Variants in CNTNAP2 observed in about 807,000 individuals in gnomAD.
CNTNAP2 encodes the protein contactin-associated protein-like 2.
In CNTNAP2, 98 loss-of-function variants were observed where a neutral mutation model predicts 155.2. The observed-to-expected ratio is 0.63, with a 90% CI of 0.54 to 0.75. CNTNAP2 has a LOEUF of 0.75. Among genes scored for constraint, CNTNAP2 ranks in the 30% least tolerant of loss-of-function variants. The probability of loss-of-function intolerance (pLI) is 0.00; values close to 1 mark genes in which losing one functional copy is unlikely to be tolerated. For synonymous variants in CNTNAP2, 651 were observed against 631.2 expected (o/e 1.03, Z -0.47); for missense variants, 1,727 against 1,688.1 (o/e 1.02, Z -0.40).
chr7:147,173,363 CA>C (rs1802270409), intron 8 of CNTNAP2, among the ~76,000 whole-genome samples: 1 of 151,940 alleles, frequency 6.6e-6, no homozygotes, highest in African/African-American at 2.4e-5. Flanking sequence ...GACAATCTCC[CA>C]ACTTCCCAAA....
intron 15 of CNTNAP2, among the ~76,000 whole-genome samples, chr7:148,030,353 A>C (rs1802454309): frequency 6.6e-6 from 1 of 152,198 alleles, no homozygotes. Flanking sequence ...ATTAAAAGAA[A>C]GGGGAATTGT....
chr7:147,073,258 A>C (rs571446821), intron 4 of CNTNAP2, among the ~76,000 whole-genome samples: 1 of 151,148 alleles, frequency 6.6e-6, no homozygotes, highest in East Asian at 2.0e-4. Flanking sequence ...TGTCCTTTGC[A>C]GGGACACGGA....
chr7:147,695,141 T>C (rs75461702), intron 13 of CNTNAP2, among the ~76,000 whole-genome samples: 3,523 of 152,316 alleles, frequency 0.023, 111 homozygotes, highest in African/African-American at 0.08. Context: ...CCCAAATATT[T>C]TGAAAATTTC....
intron 4 of CNTNAP2, among the ~76,000 whole-genome samples, chr7:147,085,368 C>T (rs1482931602): frequency 6.6e-6 from 1 of 152,164 alleles, no homozygotes; most frequent in Non-Finnish European, 1.5e-5. Flanking sequence ...CACCTGAGCT[C>T]TGCCTCCTGT....
intron 12 of CNTNAP2, among the ~76,000 whole-genome samples, chr7:147,638,103 A>G (rs1033506701): frequency 9.9e-5 from 15 of 152,204 alleles, no homozygotes; most frequent in Non-Finnish European, 2.1e-4. Flanking sequence ...AATATATTTG[A>G]TATGCCTCAA....
intron 13 of CNTNAP2, among the ~76,000 whole-genome samples, chr7:147,885,082 C>T (rs1019720643): frequency 1.3e-5 from 2 of 152,196 alleles, no homozygotes; most frequent in African/African-American, 4.8e-5. Flanking sequence ...AAAGTAATTG[C>T]AGTTTTTGAT....
chr7:147,767,259 C>A (rs1398710588), intron 13 of CNTNAP2, among the ~76,000 whole-genome samples: 2 of 151,790 alleles, frequency 1.3e-5, no homozygotes, highest in African/African-American at 4.8e-5. Flanking sequence ...AACAAACAAA[C>A]AAAACAAAAC....
intron 1 of CNTNAP2, among the ~76,000 whole-genome samples, chr7:146,688,159 C>G (rs1308688585): frequency 1.3e-5 from 2 of 152,034 alleles, no homozygotes; most frequent in Non-Finnish European, 2.9e-5. Flanking sequence ...TGAAGTGATT[C>G]ATTTATAAGG....
At chr7:148,173,419 C>G (rs1350136253) in intron 18 of CNTNAP2, among the ~76,000 whole-genome samples, 4 of 152,182 alleles carry the variant, frequency 2.6e-5, no homozygotes, top group African/African-American at 7.2e-5. Context: ...CATAAGTAGC[C>G]TGTTCAGACT....
chr7:146,616,671 A>G (rs145826284), intron 1 of CNTNAP2, among the ~76,000 whole-genome samples: 26 of 152,286 alleles, frequency 1.7e-4, no homozygotes, highest in Admixed American at 6.5e-4. Flanking sequence ...ACCCTGTAAC[A>G]TGATTTTGTC....
At chr7:148,230,683 C>T (rs1795946114) in intron 20 of CNTNAP2, among the ~76,000 whole-genome samples, 1 of 152,212 alleles carries the variant, frequency 6.6e-6, no homozygotes, top group Non-Finnish European at 1.5e-5. Flanking sequence ...AGATTCATAA[C>T]TTGATATGGA....
chr7:147,787,064 G>T (rs1797751988), intron 13 of CNTNAP2, among the ~76,000 whole-genome samples: 1 of 152,146 alleles, frequency 6.6e-6, no homozygotes, highest in Non-Finnish European at 1.5e-5. Flanking sequence ...GATTTCAAGA[G>T]TTGTTGGGCA....
chr7:147,055,119 T>A (rs1799535494), intron 4 of CNTNAP2, among the ~76,000 whole-genome samples: 2 of 152,162 alleles, frequency 1.3e-5, no homozygotes, highest in South Asian at 4.1e-4. Context: ...TACTCTACCC[T>A]CAGGCACCCC....
At chr7:146,788,218 C>T (rs894679468) in intron 2 of CNTNAP2, among the ~76,000 whole-genome samples, 11 of 152,194 alleles carry the variant, frequency 7.2e-5, no homozygotes, top group Admixed American at 2.6e-4. Context: ...GCAGAGGGAG[C>T]GGACTCTTGC....
chr7:146,300,497 G>A (rs1436427829), intron 1 of CNTNAP2, among the ~76,000 whole-genome samples: 1 of 151,884 alleles, frequency 6.6e-6, no homozygotes, highest in East Asian at 1.9e-4. Flanking sequence ...TTGAAGAACA[G>A]CTTACTAAAA....
chr7:146,216,582 T>C (rs1259394260), intron 1 of CNTNAP2, among the ~76,000 whole-genome samples: 1 of 152,172 alleles, frequency 6.6e-6, no homozygotes, highest in East Asian at 1.9e-4. Flanking sequence ...CTGACCGACC[T>C]GGAAGCCAAG....
intron 1 of CNTNAP2, among the ~76,000 whole-genome samples, chr7:146,279,581 A>G (rs1181028177): frequency 6.6e-6 from 1 of 152,062 alleles, no homozygotes; most frequent in Non-Finnish European, 1.5e-5. Flanking sequence ...GAAATTTCCA[A>G]GTTAAAAATT....
chr7:146,899,173 C>T (rs1424136995), intron 3 of CNTNAP2, among the ~76,000 whole-genome samples: 1 of 152,164 alleles, frequency 6.6e-6, no homozygotes, highest in Non-Finnish European at 1.5e-5. Flanking sequence ...TATCTGCTTT[C>T]TCTTCTTATT....
At chr7:148,194,987 C>A (rs974358630) in intron 18 of CNTNAP2, among the ~76,000 whole-genome samples, 6 of 152,144 alleles carry the variant, frequency 3.9e-5, no homozygotes, top group African/African-American at 1.4e-4. Context: ...ATCACAGAAG[C>A]CATGTCTCAT....
Sources: allele counts gnomAD v4.1 joint callset (sites outside exome capture counted in the v4.1 genomes callset), GRCh38; gene constraint gnomAD v4.1.1; transcripts MANE v1.5; gene names NCBI Gene and HGNC (gene_info 2026-07-23, HGNC 2026-07-21).